The following NRG1 variants were observed in gnomAD, a reference collection of about 807,000 sequenced individuals.
NRG1 encodes the protein neuregulin 1.
Under a neutral mutation model 63.8 loss-of-function variants are expected in NRG1, and 18 were observed. That is an observed-to-expected ratio of 0.28 (90% CI 0.19 to 0.42). The LOEUF is 0.42. Among genes scored for constraint, NRG1 ranks in the 10% least tolerant of loss-of-function variants. NRG1 has a pLI of 1.00. For missense variants in NRG1, 762 were observed against 814.7 expected (o/e 0.94, Z 0.79); for synonymous variants, 302 against 301.3 (o/e 1.00, Z -0.02).
chr8:31,741,460 A>AG (rs777340159), intron 1 of NRG1, among the ~76,000 whole-genome samples: 12 of 148,284 alleles, frequency 8.1e-5, no homozygotes, highest in Admixed American at 2.0e-4. Flanking sequence ...CCGCAAAAAA[A>AG]GAAATATGGA....
At chr8:32,108,699 C>T (rs897929507) in intron 1 of NRG1, among the ~76,000 whole-genome samples, 7 of 151,702 alleles carry the variant, frequency 4.6e-5, no homozygotes, top group East Asian at 3.9e-4. Flanking sequence ...GTGAGAGTGA[C>T]GTAATGCGAA....
intron 1 of NRG1, among the ~76,000 whole-genome samples, chr8:32,431,978 A>G (rs943123430): frequency 1.3e-5 from 2 of 152,156 alleles, no homozygotes; most frequent in Admixed American, 6.6e-5. Flanking sequence ...AGTCGTTATT[A>G]TTTATTGGGT....
At chr8:32,020,161 TTTAG>T (rs1273758108) in intron 1 of NRG1, among the ~76,000 whole-genome samples, 5 of 152,216 alleles carry the variant, frequency 3.3e-5, no homozygotes, top group African/African-American at 1.2e-4. Flanking sequence ...AACATCTGCA[TTTAG>T]TTAGTTCATT....
chr8:31,704,617 G>C (rs1181750906), intron 1 of NRG1, among the ~76,000 whole-genome samples: 2 of 152,052 alleles, frequency 1.3e-5, no homozygotes, highest in Non-Finnish European at 2.9e-5. Context: ...CGGATCATGA[G>C]GTCAGGAGAT....
intron 1 of NRG1, among the ~76,000 whole-genome samples, chr8:31,879,710 A>C (rs1483255843): frequency 6.6e-6 from 1 of 151,724 alleles, no homozygotes; most frequent in East Asian, 1.9e-4. Flanking sequence ...CCCTCCTCCT[A>C]CCCTCCACCC....
intron 1 of NRG1, among the ~76,000 whole-genome samples, chr8:31,972,560 C>T (rs17683475): frequency 0.013 from 1,959 of 152,248 alleles, 17 homozygotes; most frequent in Non-Finnish European, 0.02. Context: ...TTCCTATTTG[C>T]AAGCTTCCTA....
intron 1 of NRG1, among the ~76,000 whole-genome samples, chr8:32,329,632 C>T (rs1802405677): frequency 6.6e-6 from 1 of 152,068 alleles, no homozygotes; most frequent in Non-Finnish European, 1.5e-5. Flanking sequence ...ACGAGTCCCT[C>T]TTGGGAATTA....
chr8:32,723,587 G>T (rs1821217298), intron 5 of NRG1, among the ~76,000 whole-genome samples: 1 of 150,256 alleles, frequency 6.7e-6, no homozygotes, highest in South Asian at 2.1e-4. Context: ...CTACTCAGGA[G>T]GCTGAGGCAG....
At chr8:32,341,678 A>C (rs1209054640) in intron 1 of NRG1, among the ~76,000 whole-genome samples, 1 of 152,198 alleles carries the variant, frequency 6.6e-6, no homozygotes, top group East Asian at 1.9e-4. Flanking sequence ...GTTCTCAGGC[A>C]GTGATAGGCA....
chr8:31,751,642 G>T (rs1007307836), intron 1 of NRG1, among the ~76,000 whole-genome samples: 2 of 151,972 alleles, frequency 1.3e-5, no homozygotes, highest in African/African-American at 2.4e-5. Context: ...GTGGTGTGGA[G>T]AACTGACTGT....
chr8:32,239,424 A>G (rs1163521643), intron 1 of NRG1, among the ~76,000 whole-genome samples: 1 of 152,010 alleles, frequency 6.6e-6, no homozygotes, highest in Non-Finnish European at 1.5e-5. Flanking sequence ...AAACTTTAGG[A>G]AACAAACAGG....
chr8:32,188,692 G>A (rs2132169723), intron 1 of NRG1, among the ~76,000 whole-genome samples: 1 of 152,232 alleles, frequency 6.6e-6, no homozygotes, highest in South Asian at 2.1e-4. Context: ...AGAGACAAGA[G>A]GAGGAGGCCG....
At chr8:32,077,722 A>AT (rs1826807063) in intron 1 of NRG1, among the ~76,000 whole-genome samples, 1 of 152,218 alleles carries the variant, frequency 6.6e-6, no homozygotes, top group Non-Finnish European at 1.5e-5. Context: ...GATGAGCCTA[A>AT]TACAGGTGCT....
intron 5 of NRG1, among the ~76,000 whole-genome samples, chr8:32,694,714 T>TCA (rs1275523797): frequency 2.0e-5 from 3 of 152,290 alleles, no homozygotes; most frequent in Non-Finnish European, 4.4e-5. Flanking sequence ...GAGAGTTTGC[T>TCA]CACACACAGC....
intron 1 of NRG1, among the ~76,000 whole-genome samples, chr8:32,314,825 C>T (rs1378074364): frequency 2.6e-5 from 4 of 152,152 alleles, no homozygotes; most frequent in East Asian, 3.9e-4. Context: ...CTTCCATAAT[C>T]GCTCCCCATC....
At chr8:32,249,075 C>T (rs1848847166) in intron 1 of NRG1, among the ~76,000 whole-genome samples, 1 of 146,222 alleles carries the variant, frequency 6.8e-6, no homozygotes. Flanking sequence ...ATTTCTAAGC[C>T]AATTAGAATA....
intron 1 of NRG1, among the ~76,000 whole-genome samples, chr8:31,898,405 T>C (rs1484049296): frequency 2.8e-4 from 43 of 152,214 alleles, no homozygotes; most frequent in Admixed American, 2.7e-3. Context: ...ATAGTACATC[T>C]GTTTTAAAGA....
At chr8:32,337,870 T>TAGG (rs1463374852) in intron 1 of NRG1, among the ~76,000 whole-genome samples, 1 of 152,202 alleles carries the variant, frequency 6.6e-6, no homozygotes, top group African/African-American at 2.4e-5. Context: ...TGAGAAGATT[T>TAGG]AGGAAAGGAG....
At chr8:32,602,475 C>T (rs1229373363) in intron 2 of NRG1, among the ~76,000 whole-genome samples, 2 of 152,006 alleles carry the variant, frequency 1.3e-5, no homozygotes, top group African/African-American at 2.4e-5. Context: ...TCTTTACATA[C>T]AAACACGATT....
Sources: gnomAD v4.1 joint callset for allele counts (sites outside exome capture counted in the v4.1 genomes callset) on GRCh38, gnomAD v4.1.1 for gene constraint, MANE v1.5 for transcripts, NCBI Gene and HGNC (gene_info 2026-07-23, HGNC 2026-07-21) for gene names.